VPS13B: variants seen among roughly 807,000 people sequenced by gnomAD.
VPS13B encodes vacuolar protein sorting 13 homolog B, also known as intermembrane lipid transfer protein VPS13B.
In VPS13B, 285 loss-of-function variants were observed where a neutral mutation model predicts 426.4. The observed-to-expected ratio is 0.67, with a 90% confidence interval of 0.61 to 0.74. The LOEUF (loss-of-function observed/expected upper bound fraction) is 0.74, where lower values mean the gene tolerates loss of function less well. Among genes scored for constraint, VPS13B ranks in the 30% least tolerant of loss-of-function variants. VPS13B has a pLI of 0.00. For synonymous variants in VPS13B, 1,676 were observed against 1,676.4 expected (o/e 1.00, Z 0.01); for missense variants, 4,537 against 4,782.6 (o/e 0.95, Z 1.51).
intron 33 of VPS13B, among the ~76,000 whole-genome samples, chr8:99,606,456 G>A (rs1827577678): frequency 7.0e-6 from 1 of 143,164 alleles, no homozygotes; most frequent in South Asian, 2.2e-4. Flanking sequence ...CTTAAGCTCA[G>A]GAATTCAAGA....
At chr8:99,374,583 GT>G (rs1464942774) in intron 19 of VPS13B, among the ~76,000 whole-genome samples, 1 of 151,948 alleles carries the variant, frequency 6.6e-6, no homozygotes, top group South Asian at 2.1e-4. Flanking sequence ...TTTCACAGTA[GT>G]TTTTAATGTA....
rs1047014278 is a variant in VPS13B, at chr8:99,691,962, G to C, written c.6047-7563G>C. 4.6e-4 allele frequency among the ~76,000 whole-genome samples: 70 copies of C among 151,978 alleles called. 1 individual carries two copies. Among genetic ancestry groups the C allele is most frequent in the Middle Eastern group, 6.3e-3 (2 of 316 alleles). The stretch of plus-strand genomic sequence containing the variant: ...AGACAAAGAAGGCCATTACAGAATG[G>C]TAAAGGGATCAATTCAACAAGAGGA... On this transcript the variant is annotated intron_variant, in intron 35 of 61. Coordinates refer to ENST00000357162, the MANE Select transcript of VPS13B (RefSeq NM_152564.5).
At chr8:99,598,188 A>G (rs898574362) in intron 33 of VPS13B, among the ~76,000 whole-genome samples, 7 of 152,070 alleles carry the variant, frequency 4.6e-5, no homozygotes, top group African/African-American at 1.7e-4. Context: ...GGTGTGCCTG[A>G]AAGTTCAGAT....
intron 39 of VPS13B, among the ~76,000 whole-genome samples, chr8:99,736,054 G>GT (rs761634138): frequency 3.3e-5 from 5 of 152,110 alleles, no homozygotes; most frequent in East Asian, 3.8e-4. Flanking sequence ...AAAAACATTT[G>GT]TTTTTTACCA....
intron 56 of VPS13B, among the ~76,000 whole-genome samples, chr8:99,858,400 G>A (rs375884201): frequency 6.6e-6 from 1 of 152,200 alleles, no homozygotes; most frequent in East Asian, 1.9e-4. Flanking sequence ...GAGGAAACCA[G>A]ATCCAAAGCT....
chr8:99,304,702 T>C (rs1820548193), intron 19 of VPS13B, among the ~76,000 whole-genome samples: 1 of 152,176 alleles, frequency 6.6e-6, no homozygotes. Flanking sequence ...CAATGAATGG[T>C]AGTATTATCA....
intron 19 of VPS13B, among the ~76,000 whole-genome samples, chr8:99,291,018 T>A (rs977964444): frequency 6.6e-6 from 1 of 152,114 alleles, no homozygotes; most frequent in Admixed American, 6.6e-5. Flanking sequence ...ATATTTATGC[T>A]TTAGAAACTA....
At chr8:99,087,502 C>T (rs7464775) in intron 3 of VPS13B, among the ~76,000 whole-genome samples, 110,479 of 151,820 alleles carry the variant, frequency 0.73, 40,856 homozygotes, top group South Asian at 0.86. Flanking sequence ...GAGATGAACC[C>T]GGTACCTCAG....
At chr8:99,610,578 G>A (rs1827800677) in intron 33 of VPS13B, among the ~76,000 whole-genome samples, 1 of 151,702 alleles carries the variant, frequency 6.6e-6, no homozygotes. Flanking sequence ...CACACACCAG[G>A]GCCTGTCAGG....
intron 19 of VPS13B, among the ~76,000 whole-genome samples, chr8:99,310,902 G>C (rs1820930829): frequency 6.6e-6 from 1 of 152,008 alleles, no homozygotes; most frequent in Admixed American, 6.5e-5. Flanking sequence ...GTCTTTGGAG[G>C]GTGTATGTGT....
chr8:99,121,039 A>C, intron 7 of VPS13B, 138 bp from the exon 8 acceptor site: 1 of 720,664 alleles, frequency 1.4e-6, no homozygotes, highest in Non-Finnish European at 2.2e-6. Context: ...TTGGTTTCAA[A>C]TAGTAATAAT....
chr8:99,405,020 A>T (rs1815248706), intron 21 of VPS13B, among the ~76,000 whole-genome samples: 1 of 152,118 alleles, frequency 6.6e-6, no homozygotes, highest in Non-Finnish European at 1.5e-5. Context: ...GTAAAATTTT[A>T]TTCTTTCTTT....
At chr8:99,326,788 T>G (rs895719840) in intron 19 of VPS13B, among the ~76,000 whole-genome samples, 1 of 152,156 alleles carries the variant, frequency 6.6e-6, no homozygotes, top group African/African-American at 2.4e-5. Context: ...TTGAGATACT[T>G]TTTTCATACT....
chr8:99,808,148 A>G (rs944069952), intron 43 of VPS13B, among the ~76,000 whole-genome samples: 36 of 152,162 alleles, frequency 2.4e-4, no homozygotes, highest in Admixed American at 8.5e-4. Flanking sequence ...ACCTTTGGTT[A>G]GCTCTGTTAA....
intron 33 of VPS13B, among the ~76,000 whole-genome samples, chr8:99,595,570 T>C (rs991948848): frequency 3.9e-5 from 6 of 151,980 alleles, no homozygotes; most frequent in Admixed American, 3.9e-4. Flanking sequence ...AGCAGTGTTT[T>C]TTTAGATATG....
intron 31 of VPS13B, among the ~76,000 whole-genome samples, chr8:99,573,816 G>GT (rs1563803882): frequency 6.6e-6 from 1 of 152,172 alleles, no homozygotes; most frequent in Non-Finnish European, 1.5e-5. Context: ...CTTTAAAGTA[G>GT]TTTTTTCCAA....
chr8:99,136,587 G>A (rs1810081119), intron 11 of VPS13B, 78 bp from the exon 12 acceptor site: 4 of 1,343,456 alleles, frequency 3.0e-6, no homozygotes, highest in African/African-American at 2.9e-5. Flanking sequence ...ATAAAGATAT[G>A]TGTCTAACCT....
intron 58 of VPS13B, among the ~76,000 whole-genome samples, chr8:99,867,612 C>T (rs1407963722): frequency 6.6e-6 from 1 of 151,992 alleles, no homozygotes; most frequent in Admixed American, 6.5e-5. Context: ...GCTGTGTGAC[C>T]TTGGGAAAAA....
chr8:99,576,469 A>G (rs190002352), intron 32 of VPS13B, among the ~76,000 whole-genome samples: 20 of 152,200 alleles, frequency 1.3e-4, no homozygotes, highest in Admixed American at 3.9e-4. Context: ...GAATGAATAC[A>G]GAGAACTTGT....
Sources: allele counts gnomAD v4.1 joint callset (sites outside exome capture counted in the v4.1 genomes callset), GRCh38; gene constraint gnomAD v4.1.1; transcripts MANE v1.5; gene names NCBI Gene and HGNC (gene_info 2026-07-23, HGNC 2026-07-21).